Variants in TMPRSS9 observed in about 807,000 individuals in gnomAD.
The protein encoded by TMPRSS9 is transmembrane protease serine 9.
A neutral mutation model predicts 111.4 loss-of-function variants in TMPRSS9; 113 were observed. The ratio of observed to expected loss-of-function variants is 1.01; its 90% CI spans 0.87 to 1.19. The LOEUF (loss-of-function observed/expected upper bound fraction) is 1.19, where lower values mean the gene tolerates loss of function less well. Among genes scored for constraint, TMPRSS9 ranks in the 50% most tolerant of loss-of-function variants. The pLI is 0.00. For synonymous variants in TMPRSS9, 805 were observed against 659.1 expected (o/e 1.22, Z -3.39); for missense variants, 1,803 against 1,513.1 (o/e 1.19, Z -3.18).
At chr19:2,401,937 T>C (rs1398694159) in intron 4 of TMPRSS9, 38 bp from the exon 6 acceptor site, 1 of 1,596,524 alleles carries the variant, frequency 6.3e-7, no homozygotes, top group South Asian at 1.1e-5. Context: ...GTTTTACCGC[T>C]TATTCAGTGA....
Position 2,408,143 on chromosome 19 carries a change from T to G in TMPRSS9, c.843-213T>G, listed in dbSNP as rs1449129835. ...TATGTTGCCCAGGCTCGTCTTGAAC[T>G]CCTGGGCTCAGGTGATCCTCCCGCT... is the stretch of plus-strand genomic sequence containing the variant. On this transcript the variant is annotated intron_variant, in intron 7 of 17. Transcript: ENST00000648592. Among the ~76,000 whole-genome samples, 4 of 151,946 alleles carry G rather than the reference T, an allele frequency of 2.6e-5. No individual in the cohort carries two copies. The East Asian group carries it at 7.7e-4, about 29-fold the overall frequency.
chr19:2,425,555 C>G, intron 17 of TMPRSS9, 62 bp downstream of exon 18: 1 of 1,455,666 alleles, frequency 6.9e-7, no homozygotes, highest in Non-Finnish European at 9.0e-7. Context: ...GGCGGGTTCC[C>G]GCTGCCACGA....
exon 17 of TMPRSS9, chr19:2,425,414 G>A (rs1205243957): frequency 6.3e-7 from 1 of 1,578,318 alleles, no homozygotes; most frequent in Non-Finnish European, 8.6e-7. Context: ...GAGCAGACCT[G>A]CCGCCGCTTC....
upstream of TMPRSS9, among the ~76,000 whole-genome samples, chr19:2,388,360 T>C (rs1970516995): frequency 6.6e-6 from 1 of 151,952 alleles, no homozygotes. Context: ...CACTCCAGCC[T>C]GGGCAACAGA....
chr19:2,381,982 A>G (rs1475451563), intron 1 of TMPRSS9, among the ~76,000 whole-genome samples: 4 of 152,166 alleles, frequency 2.6e-5, no homozygotes, highest in Non-Finnish European at 4.4e-5. Context: ...AGCTGGGATT[A>G]CAGGCGTGTG....
At chr19:2,425,808 T>C (rs1249298376) in intron 17 of TMPRSS9, 119 bp from the exon 19 acceptor site, 3 of 1,373,382 alleles carry the variant, frequency 2.2e-6, no homozygotes, top group Non-Finnish European at 9.7e-7. Flanking sequence ...ATTTTCCAGA[T>C]AGTGAAAATG....
At chr19:2,410,766 G>A (rs1971078335) in intron 9 of TMPRSS9, among the ~76,000 whole-genome samples, 1 of 152,078 alleles carries the variant, frequency 6.6e-6, no homozygotes, top group Non-Finnish European at 1.5e-5. Context: ...GGGTCCCTGT[G>A]TAAATCCCCC....
chr19:2,384,799 A>G (rs1970440433), upstream of TMPRSS9, among the ~76,000 whole-genome samples: 1 of 136,976 alleles, frequency 7.3e-6, no homozygotes, highest in Admixed American at 8.2e-5. Context: ...TGGGCGACAG[A>G]GTAAGGCTCC....
chr19:2,417,139 G>C (rs985279123), intron 12 of TMPRSS9, among the ~76,000 whole-genome samples: 5 of 152,156 alleles, frequency 3.3e-5, no homozygotes, highest in Non-Finnish European at 7.4e-5. Context: ...CCTTAAAGCT[G>C]AAAATATTTA....
At chr19:2,393,424 A>C (rs564612224) in intron 1 of TMPRSS9, among the ~76,000 whole-genome samples, 2 of 152,266 alleles carry the variant, frequency 1.3e-5, no homozygotes, top group African/African-American at 4.8e-5. Context: ...AACCCACCAG[A>C]AGGAAGAAAT....
At chr19:2,390,034 T>C (rs1970551869) in intron 1 of TMPRSS9, 107 bp downstream of exon 2, 7 of 1,432,046 alleles carry the variant, frequency 4.9e-6, no homozygotes, top group Non-Finnish European at 6.7e-6. Context: ...CAAAGGGCAG[T>C]GTCTAGGCGT....
In TMPRSS9 at chr19:2,416,677, GT is replaced by G; in HGVS notation, c.1886del (p.Val629AlafsTer33). ...TGGCATCCTGGACTTCGACCTGGCT[GT>G]CCTGGAGCTGGCCAGCCCCCTGGCC... On this transcript the variant is annotated frameshift_variant, in exon 12 of 18. Coordinates refer to ENST00000648592, the Ensembl canonical transcript of TMPRSS9. LOFTEE classifies it high-confidence loss of function. The G allele has an allele frequency of 6.2e-7, 1 of 1,613,122 alleles. No individual in the cohort carries two copies.
At chr19:2,367,429 C>T (rs1020709895) in intron 1 of TMPRSS9, among the ~76,000 whole-genome samples, 3 of 151,994 alleles carry the variant, frequency 2.0e-5, no homozygotes, top group African/African-American at 4.8e-5. Context: ...GAGTCTTGCT[C>T]CATTGCCCAG....
At chr19:2,393,456 G>A (rs1970641817) in intron 1 of TMPRSS9, among the ~76,000 whole-genome samples, 1 of 152,120 alleles carries the variant, frequency 6.6e-6, no homozygotes, top group South Asian at 2.1e-4. Flanking sequence ...CCGAACATCA[G>A]CAAGAACAAA....
At chr19:2,364,934 G>C (rs1041268229) in intron 1 of TMPRSS9, among the ~76,000 whole-genome samples, 2 of 150,576 alleles carry the variant, frequency 1.3e-5, no homozygotes, top group African/African-American at 4.9e-5. Flanking sequence ...AGCCAGGATC[G>C]CGCCACTGCA....
At chr19:2,378,762 A>G (rs767177486) in intron 1 of TMPRSS9, among the ~76,000 whole-genome samples, 1 of 152,198 alleles carries the variant, frequency 6.6e-6, no homozygotes, top group Non-Finnish European at 1.5e-5. Flanking sequence ...AAAGAAAAAG[A>G]GTTTTAATTG....
chr19:2,398,727 A>G, intron 2 of TMPRSS9, 68 bp from the exon 4 acceptor site: 6 of 1,144,902 alleles, frequency 5.2e-6, no homozygotes, highest in Non-Finnish European at 5.9e-6. Flanking sequence ...AACACCTGAC[A>G]GGCCTCTGCA....
At chr19:2,415,863 A>C in intron 11 of TMPRSS9, 22 bp downstream of exon 12, 1 of 1,551,198 alleles carries the variant, frequency 6.4e-7, no homozygotes, top group African/African-American at 1.4e-5. Context: ...CTCCTCCAGG[A>C]AGGCTGCCCG....
intron 14 of TMPRSS9, among the ~76,000 whole-genome samples, chr19:2,423,829 G>C (rs1971525104): frequency 6.6e-6 from 1 of 152,022 alleles, no homozygotes; most frequent in Non-Finnish European, 1.5e-5. Flanking sequence ...GCCATGAGAG[G>C]GGCCTCCGGC....
Sources: gnomAD v4.1 joint callset for allele counts (sites outside exome capture counted in the v4.1 genomes callset) on GRCh38, gnomAD v4.1.1 for gene constraint, MANE v1.5 for transcripts, NCBI Gene and HGNC (gene_info 2026-07-23, HGNC 2026-07-21) for gene names.